Variants in ITFG2 observed in about 807,000 individuals in gnomAD.
ITFG2 encodes integrin alpha FG-GAP repeat containing 2.
In ITFG2, 36 loss-of-function variants were observed where a neutral mutation model predicts 54.4. The ratio of observed to expected loss-of-function variants is 0.66; its 90% CI spans 0.51 to 0.87. The LOEUF is 0.87. ITFG2 is among the 40% of genes least tolerant of loss of function. ITFG2 has a pLI of 0.00. For synonymous variants in ITFG2, 211 were observed against 225.4 expected, an observed-to-expected ratio of 0.94 and a Z score of 0.57; for missense variants, 524 against 576.7, an observed-to-expected ratio of 0.91 and a Z score of 0.94.
chr12:2,834,715 TG>T (rs768854257), upstream of ITFG2: 4 of 1,614,032 alleles, frequency 2.5e-6, no homozygotes, highest in South Asian at 1.1e-5. Flanking sequence ...GTGCAGGAAC[TG>T]GGTGGCCTGT....
intron 3 of ITFG2, chr12:2,858,933 C>T (rs568377566): frequency 6.2e-7 from 1 of 1,613,706 alleles, no homozygotes; most frequent in Non-Finnish European, 8.5e-7. Flanking sequence ...GGGGGGAGCA[C>T]TTTGCAAGGG....
At chr12:2,857,812 C>A (rs1237313189) in intron 2 of ITFG2, 2 of 152,506 alleles carry the variant, frequency 1.3e-5, no homozygotes, top group East Asian at 3.9e-4. Context: ...GGTCAGGGGC[C>A]CTTTCGGCCT....
chr12:2,827,339 C>T (rs557994252), downstream of ITFG2: 120 of 1,589,782 alleles, frequency 7.5e-5, no homozygotes, highest in South Asian at 1.1e-3. The surrounding 1 kb of genome is among the most constrained non-coding windows in gnomAD (Gnocchi z 4.0). Context: ...CACCTCAGCC[C>T]GCCACCTGCC....
chr12:2,838,340 A>T (rs1011367321), intron 1 of ITFG2, among the ~76,000 whole-genome samples: 1 of 152,196 alleles, frequency 6.6e-6, no homozygotes, highest in Admixed American at 6.5e-5. Context: ...TTACTAATGC[A>T]TCCTTTGGGG....
At chr12:2,818,404 C>G (rs1213544410) in intron 4 of ITFG2, 127 bp downstream of exon 4, 2 of 1,510,752 alleles carry the variant, frequency 1.3e-6, no homozygotes, top group African/African-American at 1.4e-5. Context: ...TGCTGAGCTC[C>G]CATGATAAGC....
chr12:2,819,931 G>A (rs1042236779), intron 4 of ITFG2, 155 bp from the exon 5 acceptor site: 7 of 899,112 alleles, frequency 7.8e-6, no homozygotes, highest in Middle Eastern at 3.1e-4. Context: ...GCAAGATGCC[G>A]CAAACACAGG....
At chr12:2,848,528 C>T (rs1470476910) in intron 2 of ITFG2, among the ~76,000 whole-genome samples, 12 of 152,096 alleles carry the variant, frequency 7.9e-5, no homozygotes, top group Admixed American at 6.6e-4. Context: ...GTGGAGAGGC[C>T]GCTCTTTTAC....
At chr12:2,828,185 G>C (rs557922475), downstream of ITFG2, 2 of 1,150,936 alleles carry the variant, frequency 1.7e-6, no homozygotes, top group Non-Finnish European at 2.6e-6. Context: ...TGCCTTCTCT[G>C]CCAGAGTCTT....
upstream of ITFG2, chr12:2,834,989 A>G: frequency 6.4e-7 from 1 of 1,553,858 alleles, no homozygotes; most frequent in Admixed American, 1.9e-5. Flanking sequence ...AACATGCAGG[A>G]GCAGCCGCGT....
In ITFG2 at chr12:2,824,358, C is replaced by A; in HGVS notation, c.*165C>A. The A allele has an allele frequency of 1.3e-6, 1 of 749,340 alleles. No homozygotes were observed. Among genetic ancestry groups the A allele is most frequent in the Non-Finnish European group, 2.3e-6 (1 of 429,340 alleles). 46.4% of individuals were successfully genotyped at this position (749,340 alleles called of 1,614,324 possible). ...CCCTAGGGTGACCGTGAACTATAGA[C>A]CTCGCAGTCTTTTCGGTGAAAGAAG... On this transcript the variant is annotated 3_prime_UTR_variant, in exon 12 of 12. Transcript: ENST00000228799.
upstream of ITFG2, chr12:2,834,783 C>T: frequency 6.2e-7 from 1 of 1,613,834 alleles, no homozygotes; most frequent in African/African-American, 1.3e-5. Flanking sequence ...CCTCCTGCCC[C>T]CTCGTCCTGG....
intron 2 of ITFG2, chr12:2,855,032 T>G: frequency 6.5e-7 from 1 of 1,536,122 alleles, no homozygotes; most frequent in Non-Finnish European, 8.7e-7. Flanking sequence ...TTCCTTTTCA[T>G]GTCCACAAAC....
At chr12:2,830,750 C>G (rs781702788) in intron 2 of ITFG2, 29 of 1,613,712 alleles carry the variant, frequency 1.8e-5, no homozygotes, top group Non-Finnish European at 2.5e-5. Flanking sequence ...TCCTGCTGGT[C>G]TTCCTCCTGC....
At chr12:2,814,644 A>G (rs916361452) in intron 1 of ITFG2, among the ~76,000 whole-genome samples, 6 of 152,170 alleles carry the variant, frequency 3.9e-5, no homozygotes, top group Non-Finnish European at 8.8e-5. Context: ...AGCCTGGGCA[A>G]CACAGGGAAA....
chr12:2,857,013 C>G (rs114953382), intron 2 of ITFG2: 18 of 702,936 alleles, frequency 2.6e-5, no homozygotes, highest in South Asian at 2.2e-4. Context: ...TGATCTTTGC[C>G]GGTTACTGGC....
At position 2,820,183 on chromosome 12, in the gene ITFG2, AG is replaced by A; in HGVS notation, c.507del (p.Gln170SerfsTer19). 6.2e-7 allele frequency: 1 copy of A among 1,613,416 alleles called. No individual in the cohort carries two copies. Among genetic ancestry groups the A allele is most frequent in the Non-Finnish European group, 8.5e-7 (1 of 1,179,696 alleles). On this transcript the variant is annotated frameshift_variant, in exon 5 of 12. Transcript: ENST00000228799. LOFTEE classifies it high-confidence loss of function. ...TAGGTGAGGGTCCTGAACATCTGAC[AG>A]GGCAGCTGGTGTCCCTCAAGAAATG... ...ELGEGPEHLT[G>X]QLVSLKKWML...
intron 2 of ITFG2, among the ~76,000 whole-genome samples, chr12:2,850,078 C>T (rs1404542856): frequency 6.6e-6 from 1 of 152,158 alleles, no homozygotes; most frequent in Non-Finnish European, 1.5e-5. Flanking sequence ...CCTGGCTGCA[C>T]ATTACAATCA....
rs1425537952 is a variant in ITFG2 at position 2,859,071 on chromosome 12, G to A, written n.621-463G>A. 5 of 1,608,058 alleles carry A rather than the reference G, an allele frequency of 3.1e-6. No individual in the cohort carries two copies. In the South Asian group the frequency reaches 3.3e-5, roughly 11 times the overall value. On this transcript the variant is annotated intron_variant and non_coding_transcript_variant, in intron 3 of 3. Coordinates refer to the ITFG2 transcript ENST00000537710. ...GGGCGTGAGCCTCCAGGATTCAGGG[G>A]TTCTGGGGAGGACAGATTTGCTCGG...
At chr12:2,828,189 G>T, downstream of ITFG2, 1 of 1,139,048 alleles carries the variant, frequency 8.8e-7, no homozygotes. Context: ...TTCTCTGCCA[G>T]AGTCTTCTAG....
Sources: allele counts gnomAD v4.1 joint callset (sites outside exome capture counted in the v4.1 genomes callset), GRCh38; gene constraint gnomAD v4.1.1; non-coding constraint Gnocchi (gnomAD v3.1); transcripts MANE v1.5; gene names NCBI Gene and HGNC (gene_info 2026-07-23, HGNC 2026-07-21).